Variants in DYNC1I1 observed in about 807,000 individuals in gnomAD.
DYNC1I1 encodes cytoplasmic dynein 1 intermediate chain 1.
Under a neutral mutation model 86.6 loss-of-function variants are expected in DYNC1I1, and 43 were observed. That is an observed-to-expected ratio of 0.50 (90% CI 0.39 to 0.64). The LOEUF (loss-of-function observed/expected upper bound fraction) is 0.64, where lower values mean the gene tolerates loss of function less well. DYNC1I1 is among the 30% of genes least tolerant of loss of function. The pLI is 0.00. For synonymous variants in DYNC1I1, 262 were observed against 283.7 expected (o/e 0.92, Z 0.77); for missense variants, 604 against 788.8 (o/e 0.77, Z 2.81).
intron 5 of DYNC1I1, among the ~76,000 whole-genome samples, chr7:95,835,966 A>G (rs1320616436): frequency 6.6e-6 from 1 of 152,180 alleles, no homozygotes; most frequent in East Asian, 1.9e-4. Flanking sequence ...CATTTAGTCC[A>G]TTTACATTTA....
intron 10 of DYNC1I1, among the ~76,000 whole-genome samples, chr7:96,024,389 G>A (rs182184465): frequency 4.6e-5 from 7 of 152,140 alleles, no homozygotes; most frequent in African/African-American, 1.7e-4. Flanking sequence ...GAGCCTCTGC[G>A]CCCAGCTTGA....
chr7:95,825,398 G>T (rs987194974), intron 4 of DYNC1I1, among the ~76,000 whole-genome samples: 1 of 152,204 alleles, frequency 6.6e-6, no homozygotes, highest in Non-Finnish European at 1.5e-5. Flanking sequence ...CCTACTCCTT[G>T]CAAGGAAAGC....
chr7:95,926,602 A>G (rs931246643), intron 6 of DYNC1I1, among the ~76,000 whole-genome samples: 5 of 152,098 alleles, frequency 3.3e-5, no homozygotes, highest in Non-Finnish European at 7.4e-5. Context: ...CTTTGGCTTC[A>G]TGGACAGTTT....
chr7:96,028,903 A>G (rs1441833298), intron 11 of DYNC1I1, among the ~76,000 whole-genome samples: 1 of 152,120 alleles, frequency 6.6e-6, no homozygotes, highest in African/African-American at 2.4e-5. Context: ...TAAGACAACT[A>G]CTCTGTCATT....
chr7:95,880,793 A>C (rs1483034161), intron 6 of DYNC1I1, among the ~76,000 whole-genome samples: 2 of 151,588 alleles, frequency 1.3e-5, no homozygotes, highest in Non-Finnish European at 2.9e-5. Context: ...TTACAGGTGC[A>C]CACCACCGTG....
intron 5 of DYNC1I1, among the ~76,000 whole-genome samples, chr7:95,839,822 G>A (rs78918152): frequency 0.11 from 17,327 of 151,744 alleles, 1,144 homozygotes; most frequent in African/African-American, 0.18. Context: ...ATTTCTGAAG[G>A]ACAGGTTTGC....
chr7:95,844,591 G>A (rs985842664), intron 5 of DYNC1I1, among the ~76,000 whole-genome samples: 7 of 151,982 alleles, frequency 4.6e-5, no homozygotes, highest in African/African-American at 7.3e-5. Context: ...TTAGTGGGTC[G>A]GGCGGCGGGG....
At chr7:95,848,482 A>G (rs1306578153) in intron 5 of DYNC1I1, among the ~76,000 whole-genome samples, 2 of 152,132 alleles carry the variant, frequency 1.3e-5, no homozygotes, top group South Asian at 2.1e-4. Flanking sequence ...GAACTCATAC[A>G]GTACTTGTTG....
At chr7:95,830,218 C>T (rs1795290653) in intron 5 of DYNC1I1, among the ~76,000 whole-genome samples, 1 of 152,068 alleles carries the variant, frequency 6.6e-6, no homozygotes. Context: ...GTATAACTGG[C>T]TTTAAATAAA....
intron 1 of DYNC1I1, among the ~76,000 whole-genome samples, chr7:95,803,756 C>A (rs562655483): frequency 6.6e-6 from 1 of 152,182 alleles, no homozygotes; most frequent in East Asian, 1.9e-4. Flanking sequence ...AATTTTTCCC[C>A]ATTATTTTAG....
intron 14 of DYNC1I1, among the ~76,000 whole-genome samples, chr7:96,060,887 A>C (rs887157135): frequency 1.3e-5 from 2 of 152,236 alleles, no homozygotes; most frequent in East Asian, 3.9e-4. Context: ...TAAATACTAT[A>C]ACAGCGTAAG....
At chr7:95,822,774 A>G (rs559366558) in intron 4 of DYNC1I1, among the ~76,000 whole-genome samples, 4 of 152,338 alleles carry the variant, frequency 2.6e-5, no homozygotes, top group African/African-American at 7.2e-5. Context: ...ATAAGCAAAC[A>G]AACAACACCA....
At chr7:95,909,038 CT>C (rs1038519835) in intron 6 of DYNC1I1, among the ~76,000 whole-genome samples, 36 of 151,614 alleles carry the variant, frequency 2.4e-4, no homozygotes, top group African/African-American at 8.5e-4. Flanking sequence ...GTGTTTGTTC[CT>C]GGAACAGACC....
intron 6 of DYNC1I1, among the ~76,000 whole-genome samples, chr7:95,892,944 T>A (rs575771439): frequency 8.0e-4 from 122 of 152,316 alleles, no homozygotes; most frequent in Non-Finnish European, 1.4e-3. Context: ...CTTAAAAAAA[T>A]TGCCATCTTT....
chr7:96,046,975 A>C (rs1376946194), intron 14 of DYNC1I1, among the ~76,000 whole-genome samples: 1 of 152,176 alleles, frequency 6.6e-6, no homozygotes, highest in Non-Finnish European at 1.5e-5. Context: ...TAACAAAACA[A>C]CTTAGAGTGG....
chr7:96,055,368 C>T (rs191543674), intron 14 of DYNC1I1, among the ~76,000 whole-genome samples: 72 of 152,104 alleles, frequency 4.7e-4, no homozygotes, highest in Non-Finnish European at 7.6e-4. Context: ...TGTAACAAAC[C>T]TGCATGTTCT....
chr7:96,038,387 A>C (rs189231540), intron 13 of DYNC1I1, among the ~76,000 whole-genome samples: 15 of 152,328 alleles, frequency 9.8e-5, no homozygotes, highest in Non-Finnish European at 2.2e-4. Context: ...CTAATTGTAT[A>C]TGATTGCATG....
chr7:95,817,746 C>G (rs1019749955), intron 4 of DYNC1I1, among the ~76,000 whole-genome samples: 1 of 152,130 alleles, frequency 6.6e-6, no homozygotes, highest in Non-Finnish European at 1.5e-5. Flanking sequence ...CTGGGTTGCC[C>G]ACTCCTTACT....
At chr7:96,066,866 A>G (rs941658423) in intron 14 of DYNC1I1, among the ~76,000 whole-genome samples, 4 of 152,220 alleles carry the variant, frequency 2.6e-5, no homozygotes, top group Non-Finnish European at 5.9e-5. Flanking sequence ...TTTGTGCTTG[A>G]GAACAAAATC....
Sources: gnomAD v4.1 joint callset for allele counts (sites outside exome capture counted in the v4.1 genomes callset) on GRCh38, gnomAD v4.1.1 for gene constraint, MANE v1.5 for transcripts, NCBI Gene and HGNC (gene_info 2026-07-23, HGNC 2026-07-21) for gene names.